The following SNX7 variants were observed in gnomAD, a reference collection of about 807,000 sequenced individuals.
The protein encoded by SNX7 is sorting nexin-7.
In SNX7, 35 loss-of-function variants were observed where a neutral mutation model predicts 48.4. The ratio of observed to expected loss-of-function variants is 0.72; its 90% CI spans 0.55 to 0.96. The LOEUF (loss-of-function observed/expected upper bound fraction) is 0.96, where lower values mean the gene tolerates loss of function less well. SNX7 is among the 40% of genes least tolerant of loss of function. SNX7 has a pLI of 0.00. For missense variants in SNX7, 553 were observed against 548.9 expected (o/e 1.01, Z -0.07); for synonymous variants, 190 against 190.2 (o/e 1.00, Z 0.01).
Position 98,759,559 on chromosome 1 carries a change from A to G in SNX7, c.1279-495A>G, listed in dbSNP as rs116490035. Among the ~76,000 whole-genome samples, 697 of 152,232 alleles carry G rather than the reference A, an allele frequency of 4.6e-3. 3 individuals are homozygous for G. Among genetic ancestry groups the G allele is most frequent in the African/African-American group, 0.016 (673 of 41,570 alleles). On this transcript the variant is annotated intron_variant, in intron 8 of 8. Transcript: ENST00000306121. ...TCACTTTATGCTAGGCATTCTGCAT[A>G]GAGACTTATACAGATTATATACATT...
intron 7 of SNX7, among the ~76,000 whole-genome samples, chr1:98,719,464 G>A (rs991882891): frequency 6.6e-6 from 1 of 152,112 alleles, no homozygotes; most frequent in Non-Finnish European, 1.5e-5. Context: ...GATGAGTGGG[G>A]TTAAGCATTG....
Position 98,676,097 on chromosome 1 carries a change from A to G in SNX7, c.181-8788A>G, listed in dbSNP as rs77064080. ...TAATTCCTGTTAACTTTTTTTTTTA[A>G]TAGCTGCTAAATTCCCTCTCTCCCT... On this transcript the variant is annotated intron_variant, in intron 1 of 8. Transcript: ENST00000306121. Among the ~76,000 whole-genome samples the G allele has an allele frequency of 8.3e-4, 126 of 151,990 alleles. 1 individual carries two copies. In the East Asian group the frequency reaches 0.021, roughly 25 times the overall value.
intron 7 of SNX7, among the ~76,000 whole-genome samples, chr1:98,722,463 T>C (rs567228474): frequency 1.3e-5 from 2 of 152,256 alleles, no homozygotes; most frequent in East Asian, 1.9e-4. Context: ...TAAGAAGAGG[T>C]AGCTGTCAGA....
chr1:98,758,244 A>G (rs1239738749), intron 8 of SNX7, among the ~76,000 whole-genome samples: 2 of 152,054 alleles, frequency 1.3e-5, no homozygotes, highest in African/African-American at 2.4e-5. Flanking sequence ...AATGTGAAGT[A>G]TTCATCTTTT....
intron 1 of SNX7, among the ~76,000 whole-genome samples, chr1:98,678,651 A>G (rs961619236): frequency 6.6e-6 from 1 of 152,248 alleles, no homozygotes; most frequent in Admixed American, 6.5e-5. Context: ...TAGCAAAAAC[A>G]TACTGGTGCA....
intron 7 of SNX7, among the ~76,000 whole-genome samples, chr1:98,706,286 G>T (rs1348040187): frequency 6.6e-6 from 1 of 152,110 alleles, no homozygotes; most frequent in Non-Finnish European, 1.5e-5. Flanking sequence ...AGGATTAGGG[G>T]TCAGTAAAAT....
At chr1:98,731,838 T>G (rs1164797338) in intron 7 of SNX7, among the ~76,000 whole-genome samples, 2 of 152,170 alleles carry the variant, frequency 1.3e-5, no homozygotes, top group Non-Finnish European at 2.9e-5. Flanking sequence ...AATGTTGTTA[T>G]GTGGCACATG....
chr1:98,661,782 CG>C lies in SNX7; in HGVS notation c.56del (p.Gly19AlafsTer46). The C allele has an allele frequency of 6.4e-6, 8 of 1,243,154 alleles. No homozygotes were observed. Among genetic ancestry groups the C allele is most frequent in the Middle Eastern group, 3.1e-4 (1 of 3,208 alleles). 77.0% of individuals were successfully genotyped at this position (1,243,154 alleles called of 1,614,324 possible). On this transcript the variant is annotated frameshift_variant, in exon 1 of 9. Coordinates refer to ENST00000306121, the MANE Select transcript of SNX7 (RefSeq NM_015976.5). LOFTEE classifies it high-confidence loss of function. ...AGGCGCCCTCCTCGGGCCTCCCGGC[CG>C]GGGGCGCCAACGGGGAGAGCCCGGG... ...SQAPSSGLPA[G>X]GANGESPGGG...
At chr1:98,717,802 A>G (rs1652668050) in intron 7 of SNX7, among the ~76,000 whole-genome samples, 1 of 151,988 alleles carries the variant, frequency 6.6e-6, no homozygotes. Flanking sequence ...GGGTAGGGAG[A>G]GGGTAAGAGG....
rs1441906893 is a variant in SNX7 at position 98,694,318 on chromosome 1, C to T, written c.640-1200C>T. Among the ~76,000 whole-genome samples the T allele has an allele frequency of 2.1e-5, 3 of 144,544 alleles. No individual in the cohort carries two copies. In the Admixed American group the frequency reaches 2.2e-4, roughly 11 times the overall value. 94.8% of individuals were successfully genotyped at this position (144,544 alleles called of 152,430 possible). ...CCGGGAGGCGGAGCTTGCAGTGAGC[C>T]AGGATTGTGCCACTGCAGTCCAGCC... On this transcript the variant is annotated intron_variant, in intron 4 of 8. Coordinates refer to ENST00000306121, the MANE Select transcript of SNX7 (RefSeq NM_015976.5).
chr1:98,745,831 A>G (rs537234197), intron 8 of SNX7, among the ~76,000 whole-genome samples: 13 of 152,268 alleles, frequency 8.5e-5, no homozygotes, highest in African/African-American at 3.1e-4. Flanking sequence ...AGGGATGATC[A>G]TCAAAAGGAA....
intron 8 of SNX7, among the ~76,000 whole-genome samples, chr1:98,746,124 T>C (rs1570604611): frequency 1.3e-5 from 2 of 152,022 alleles, no homozygotes; most frequent in African/African-American, 4.8e-5. Context: ...GAAACTGCCT[T>C]CTCAGTTTGA....
At chr1:98,701,924 A>G (rs747670315) in intron 7 of SNX7, 21 bp downstream of exon 7, 2 of 1,514,946 alleles carry the variant, frequency 1.3e-6, no homozygotes, top group Non-Finnish European at 1.8e-6. Flanking sequence ...AAGTTTCTTG[A>G]TACAATCATA....
intron 2 of SNX7, among the ~76,000 whole-genome samples, chr1:98,686,900 A>G (rs927997471): frequency 4.6e-5 from 7 of 152,010 alleles, no homozygotes; most frequent in African/African-American, 1.7e-4. Flanking sequence ...TTTTTCCATC[A>G]TTTGCGTCTC....
intron 7 of SNX7, among the ~76,000 whole-genome samples, chr1:98,718,230 T>C (rs2101001900): frequency 6.6e-6 from 1 of 152,244 alleles, no homozygotes; most frequent in South Asian, 2.1e-4. Flanking sequence ...TAGGTCAAGA[T>C]CACACATGAA....
At chr1:98,737,811 A>G (rs1311508366) in intron 7 of SNX7, among the ~76,000 whole-genome samples, 1 of 152,206 alleles carries the variant, frequency 6.6e-6, no homozygotes, top group Non-Finnish European at 1.5e-5. Context: ...GCTAAAAACC[A>G]TTAAAAAATG....
intron 1 of SNX7, among the ~76,000 whole-genome samples, chr1:98,679,442 C>G (rs1368554041): frequency 6.6e-6 from 1 of 152,106 alleles, no homozygotes; most frequent in Non-Finnish European, 1.5e-5. Context: ...CCTCACATAT[C>G]AAAAACAATC....
intron 4 of SNX7, among the ~76,000 whole-genome samples, chr1:98,692,821 A>C (rs1312455481): frequency 6.6e-6 from 1 of 152,198 alleles, no homozygotes; most frequent in Non-Finnish European, 1.5e-5. Flanking sequence ...GTGGCATGTA[A>C]GTCAAAATAT....
At chr1:98,699,114 A>G (rs965164789) in intron 6 of SNX7, among the ~76,000 whole-genome samples, 13 of 152,214 alleles carry the variant, frequency 8.5e-5, no homozygotes, top group Non-Finnish European at 8.8e-5. Flanking sequence ...CTCAATAGCA[A>G]CACCAACAAT....
Sources: allele counts gnomAD v4.1 joint callset (sites outside exome capture counted in the v4.1 genomes callset), GRCh38; gene constraint gnomAD v4.1.1; transcripts MANE v1.5; gene names NCBI Gene and HGNC (gene_info 2026-07-23, HGNC 2026-07-21).